The following PCDHGC4 variants were observed in gnomAD, a reference collection of about 807,000 sequenced individuals.
PCDHGC4 encodes the protein protocadherin gamma subfamily C, 4, also known as protocadherin gamma-C4.
In PCDHGC4, 15 loss-of-function variants were observed where a neutral mutation model predicts 59.7. The ratio of observed to expected loss-of-function variants is 0.25; its 90% confidence interval spans 0.17 to 0.39. PCDHGC4 has a LOEUF of 0.39. Ranked by LOEUF, PCDHGC4 falls within the 10% of genes least tolerant of loss-of-function variation. PCDHGC4 has a pLI of 1.00. For synonymous variants in PCDHGC4, 434 were observed against 481.4 expected, an observed-to-expected ratio of 0.90 and a Z score of 1.29; for missense variants, 1,016 against 1,189.5, an observed-to-expected ratio of 0.85 and a Z score of 2.15.
intron 2 of PCDHGC4, among the ~76,000 whole-genome samples, chr5:141,496,839 AG>A (rs2099771805): frequency 1.3e-5 from 2 of 151,484 alleles, no homozygotes; most frequent in African/African-American, 4.9e-5. Context: ...CAGAACTCAT[AG>A]GCTTCCAGAC....
rs202162316 is a variant in PCDHGC4, at chr5:141,490,194, T to C, written c.2442+2579T>C. ...TTGAGGAGTCACGTTTCTATGAAAT[T>C]CATGCAAGAGCCCGTGACCAGGGAC... is the stretch of plus-strand genomic sequence containing the variant. On this transcript the variant is annotated intron_variant, in intron 1 of 3. Transcript: ENST00000306593. The surrounding 1 kb of genome is among the most constrained non-coding windows in gnomAD (Gnocchi z 5.4). The C allele has an allele frequency of 8.1e-6, 13 of 1,614,186 alleles. No individual in the cohort carries two copies. The highest frequency in any genetic ancestry group is 1.1e-5 in the Non-Finnish European group (13 of 1,180,030).
chr5:141,507,251 A>G (rs958917337), intron 3 of PCDHGC4: 3 of 152,400 alleles, frequency 2.0e-5, no homozygotes, highest in Non-Finnish European at 4.4e-5. Context: ...TGAATGTCAG[A>G]TAAACAGCAA....
chr5:141,511,084 C>G lies in PCDHGC4; in HGVS notation c.2728C>G (p.Leu910Val). 1 of 1,614,236 alleles carries G rather than the reference C, an allele frequency of 6.2e-7. No homozygotes were observed. Among genetic ancestry groups the G allele is most frequent in the Non-Finnish European group, 8.5e-7 (1 of 1,180,030 alleles). The change falls in exon 4 of 4, where the codon CTG becomes GTG. Residue 910 changes from leucine (L) to valine (V), a missense_variant. Leu to Val is a conservative substitution (Grantham distance 32). Coordinates refer to ENST00000306593, the MANE Select transcript of PCDHGC4 (RefSeq NM_018928.3). Reference sequence around the variant, plus strand: ...CTACATCCCAGGCAGCAATGCCACACTGACCAACGCAGCTGGCAAGCGGGA... The same window carrying G: ...CTACATCCCAGGCAGCAATGCCACAGTGACCAACGCAGCTGGCAAGCGGGA... ...NVYIPGSNAT[L>V]TNAAGKRDGK...
intron 3 of PCDHGC4, among the ~76,000 whole-genome samples, chr5:141,505,875 T>C (rs991981462): frequency 2.6e-4 from 40 of 152,140 alleles, no homozygotes; most frequent in African/African-American, 9.2e-4. Flanking sequence ...AAAGGGTTGT[T>C]GTAGAGATTA....
In PCDHGC4 at chr5:141,491,410, G is replaced by T. The variant is rs777207581; in HGVS notation, c.2443-3397G>T. On this transcript the variant is annotated intron_variant, in intron 1 of 3. Transcript: ENST00000306593. The surrounding 1 kb of genome is among the most constrained non-coding windows in gnomAD (Gnocchi z 6.9). ...GTGCCTTCAGGGAAACGCAGACGGG[G>T]ACGGGGGTGGAGGGCAGTGCTGCAG... 28 of 1,614,142 alleles carry T rather than the reference G, an allele frequency of 1.7e-5. No individual in the cohort carries two copies. The highest frequency in any genetic ancestry group is 2.4e-5 in the Non-Finnish European group (28 of 1,180,034).
rs2099692814 is a variant in PCDHGC4 at position 141,489,840 on chromosome 5, G to A, written c.2442+2225G>A. 6.2e-7 allele frequency: 1 copy of A among 1,614,190 alleles called. No individual in the cohort carries two copies. The highest frequency in any genetic ancestry group is 8.5e-7 in the Non-Finnish European group (1 of 1,179,990). On this transcript the variant is annotated intron_variant, in intron 1 of 3. Coordinates refer to ENST00000306593, the MANE Select transcript of PCDHGC4 (RefSeq NM_018928.3). The surrounding 1 kb of genome is among the most constrained non-coding windows in gnomAD (Gnocchi z 4.5). ...CAGAGCTGGTGCTAGAGCAGCAGCT[G>A]GATCGTGAAGCCCAGGCAAGACATC... is the stretch of plus-strand genomic sequence containing the variant.
intron 1 of PCDHGC4, among the ~76,000 whole-genome samples, chr5:141,492,539 G>A (rs1474928199): frequency 1.3e-5 from 2 of 152,200 alleles, no homozygotes; most frequent in African/African-American, 2.4e-5. Context: ...GCCCCGGGCT[G>A]GGCCGGGTCG....
intron 2 of PCDHGC4, among the ~76,000 whole-genome samples, chr5:141,496,592 T>G (rs948403662): frequency 6.6e-6 from 1 of 152,136 alleles, no homozygotes; most frequent in African/African-American, 2.4e-5. Context: ...GCAAAGCGCT[T>G]CTTAGAAGGC....
rs2154594676 is a variant in PCDHGC4, at chr5:141,511,333, G to A, written c.*160G>A. 6.9e-7 allele frequency: 1 copy of A among 1,441,948 alleles called. No homozygotes were observed. Among genetic ancestry groups the A allele is most frequent in the Non-Finnish European group, 9.2e-7 (1 of 1,085,894 alleles). The allele number at this position is 1,441,948 out of a possible 1,614,324, so 89.3% of individuals were successfully genotyped here. On this transcript the variant is annotated 3_prime_UTR_variant, in exon 4 of 4. Transcript: ENST00000306593. Reference sequence around the variant, plus strand: ...GGAAACAGAAACAAGTGCCCAGTCAGCACCTACCCCTTCCCCCCCAGGGGG... The same window carrying A: ...GGAAACAGAAACAAGTGCCCAGTCAACACCTACCCCTTCCCCCCCAGGGGG...
chr5:141,487,442 G>A lies in PCDHGC4; in HGVS notation c.2269G>A (p.Asp757Asn), dbSNP rs749842864. 1 of 1,613,918 alleles carries A rather than the reference G, an allele frequency of 6.2e-7. No homozygotes were observed. Among genetic ancestry groups the A allele is most frequent in the Non-Finnish European group, 8.5e-7 (1 of 1,179,798 alleles). Residue 757 changes from aspartate (D) to asparagine (N), a missense_variant, in exon 1 of 4, where the codon GAT (aspartate) becomes AAT (asparagine). Asp to Asn is a conservative substitution (Grantham distance 23, BLOSUM62 1). Coordinates refer to ENST00000306593, the MANE Select transcript of PCDHGC4 (RefSeq NM_018928.3). The surrounding 1 kb of genome is among the most constrained non-coding windows in gnomAD (Gnocchi z 5.0). ...GATCCTCCGAATCCAGCTAGGGTCA[G>A]ATGACCCTATCAAGTTTGTTGATGT... ...NGILRIQLGSDDPIKFVDVGG... is the reference protein window; with the variant it reads ...NGILRIQLGSNDPIKFVDVGG...
chr5:141,494,751 G>C (rs2099756509), intron 1 of PCDHGC4, 56 bp from the exon 2 acceptor site: 2 of 1,613,426 alleles, frequency 1.2e-6, no homozygotes, highest in African/African-American at 1.3e-5. Flanking sequence ...AGGGGCTCGG[G>C]TGACATTCTA....
chr5:141,491,800 C>G lies in PCDHGC4; in HGVS notation c.2443-3007C>G. The G allele has an allele frequency of 6.7e-7, 1 of 1,500,854 alleles. No individual in the cohort carries two copies. The highest frequency in any genetic ancestry group is 8.9e-7 in the Non-Finnish European group (1 of 1,125,316). 93.0% of individuals were successfully genotyped at this position (1,500,854 alleles called of 1,614,324 possible). A position where few individuals can be genotyped will look rare whatever the true frequency, so the allele number is the denominator to read the frequency against. ...GAACTTGCATCCACTCCTCTCCGGC[C>G]GGCTTGGTCGCTGGCTGCGCTCCAC... On this transcript the variant is annotated intron_variant, in intron 1 of 3. Transcript: ENST00000306593. The surrounding 1 kb of genome is among the most constrained non-coding windows in gnomAD (Gnocchi z 6.9).
chr5:141,494,752 T>C (rs889400984), intron 1 of PCDHGC4, 55 bp from the exon 2 acceptor site: 18 of 1,612,206 alleles, frequency 1.1e-5, no homozygotes, highest in Non-Finnish European at 1.5e-5. Context: ...GGGGCTCGGG[T>C]GACATTCTAA....
Position 141,491,995 on chromosome 5 carries a change from G to C in PCDHGC4, c.2443-2812G>C, listed in dbSNP as rs76332593. On this transcript the variant is annotated intron_variant, in intron 1 of 3. Transcript: ENST00000306593. The surrounding 1 kb of genome is among the most constrained non-coding windows in gnomAD (Gnocchi z 6.9). ...CTCCTTCGAGCTTCCGGTGAATTTC[G>C]GGCGATTTCCGCGGGTGTCGGGGGT... is the stretch of plus-strand genomic sequence containing the variant. 0.033 allele frequency: 22,941 copies of C among 696,644 alleles called. 426 individuals carry two copies. The highest frequency in any genetic ancestry group is 0.093 in the Middle Eastern group (249 of 2,666). The allele number at this position is 696,644 out of a possible 1,614,324, so 43.2% of individuals were successfully genotyped here. A position where few individuals can be genotyped will look rare whatever the true frequency, so the allele number is the denominator to read the frequency against.
intron 3 of PCDHGC4, among the ~76,000 whole-genome samples, chr5:141,509,211 C>T (rs962706371): frequency 2.0e-5 from 3 of 152,180 alleles, no homozygotes; most frequent in African/African-American, 4.8e-5. Context: ...CTCTCTATTT[C>T]TCAATCCCTG....
intron 3 of PCDHGC4, among the ~76,000 whole-genome samples, chr5:141,509,069 G>A (rs1463164307): frequency 2.6e-5 from 4 of 152,174 alleles, no homozygotes; most frequent in African/African-American, 9.7e-5. Context: ...CTCAGCTCCG[G>A]GGATTTGCGA....
chr5:141,498,971 GGGAAGGAAGGAAGGAAGGAAGGAAGGAA>G (rs201769957), intron 2 of PCDHGC4, among the ~76,000 whole-genome samples: 8 of 111,052 alleles, frequency 7.2e-5, no homozygotes, highest in South Asian at 3.8e-4. Flanking sequence ...GAGGGAGGGA[GGGAAGGAAGGAAGGAAGGAAGGAAGGAA>G]GGAAGGAAGG....
At chr5:141,507,896 G>A (rs1457319438) in intron 3 of PCDHGC4, among the ~76,000 whole-genome samples, 1 of 152,210 alleles carries the variant, frequency 6.6e-6, no homozygotes, top group African/African-American at 2.4e-5. Flanking sequence ...GGTTCCTGAA[G>A]TCCAGCCCAG....
chr5:141,498,078 G>A (rs1165770641), intron 2 of PCDHGC4, among the ~76,000 whole-genome samples: 6 of 152,194 alleles, frequency 3.9e-5, no homozygotes, highest in African/African-American at 1.4e-4. Flanking sequence ...ATAAGTGCTA[G>A]GTAGAATTGT....
Sources: gnomAD v4.1 joint callset for allele counts (sites outside exome capture counted in the v4.1 genomes callset) on GRCh38, gnomAD v4.1.1 for gene constraint, Gnocchi (gnomAD v3.1) non-coding constraint, MANE v1.5 for transcripts, NCBI Gene and HGNC (gene_info 2026-07-23, HGNC 2026-07-21) for gene names.